Variants in ARB2A observed in about 807,000 individuals in gnomAD.
ARB2A encodes ARB2 cotranscriptional regulator A.
chr5:94,009,480 TA>T, the ARB2A span, among the ~76,000 whole-genome samples: 1 of 151,948 alleles, frequency 6.6e-6, no homozygotes, highest in African/African-American at 2.4e-5. Context: ...CCCTCTAAAA[TA>T]AAAATTAAGG....
the ARB2A span, among the ~76,000 whole-genome samples, chr5:93,844,446 G>GAA: frequency 8.2e-5 from 12 of 145,744 alleles, no homozygotes; most frequent in Non-Finnish European, 1.4e-4. Flanking sequence ...CATCTCAAAA[G>GAA]AAAAAAAAAA....
At chr5:94,043,834 G>C in the ARB2A span, among the ~76,000 whole-genome samples, 1 of 152,172 alleles carries the variant, frequency 6.6e-6, no homozygotes, top group Non-Finnish European at 1.5e-5. Flanking sequence ...TTCCATCAAA[G>C]CCAATTTTTA....
At chr5:93,806,889 A>G in the ARB2A span, among the ~76,000 whole-genome samples, 2 of 151,962 alleles carry the variant, frequency 1.3e-5, no homozygotes, top group Admixed American at 1.3e-4. Flanking sequence ...AAAACAGTAT[A>G]CACAAAAATG....
chr5:94,050,887 A>T, the ARB2A span: 1 of 1,186,964 alleles, frequency 8.4e-7, no homozygotes, highest in Non-Finnish European at 1.2e-6. Flanking sequence ...ACAATAATAT[A>T]AACAGTACAA....
the ARB2A span, among the ~76,000 whole-genome samples, chr5:93,878,831 A>G: frequency 6.6e-6 from 1 of 152,052 alleles, no homozygotes; most frequent in Non-Finnish European, 1.5e-5. Context: ...AATCTACAGA[A>G]CAATGTGGTA....
At chr5:93,880,477 GA>G in the ARB2A span, among the ~76,000 whole-genome samples, 7 of 151,720 alleles carry the variant, frequency 4.6e-5, no homozygotes, top group African/African-American at 1.7e-4. Context: ...AGTTCAAGTT[GA>G]ATAATTTGAA....
the ARB2A span, among the ~76,000 whole-genome samples, chr5:94,015,443 A>G: frequency 6.6e-6 from 1 of 152,176 alleles, no homozygotes; most frequent in Admixed American, 6.5e-5. Flanking sequence ...AATGTGCAAA[A>G]AGAAAACATT....
At chr5:93,661,254 G>A in the ARB2A span, among the ~76,000 whole-genome samples, 2 of 152,122 alleles carry the variant, frequency 1.3e-5, no homozygotes, top group African/African-American at 4.8e-5. Context: ...ATATACAGCG[G>A]GTAGTCTGGG....
the ARB2A span, among the ~76,000 whole-genome samples, chr5:93,966,393 C>A: frequency 6.6e-6 from 1 of 152,046 alleles, no homozygotes; most frequent in East Asian, 1.9e-4. Flanking sequence ...AAGTCAACAG[C>A]TCTTACTAGG....
chr5:94,100,549 T>A, the ARB2A span, among the ~76,000 whole-genome samples: 3 of 152,136 alleles, frequency 2.0e-5, no homozygotes, highest in Admixed American at 6.5e-5. Context: ...ACTACAAGGC[T>A]ACAGGGACCA....
chr5:93,766,983 G>A, the ARB2A span, among the ~76,000 whole-genome samples: 1 of 141,500 alleles, frequency 7.1e-6, no homozygotes, highest in Non-Finnish European at 1.5e-5. Flanking sequence ...GGTGGGCATT[G>A]AACAATGAGA....
chr5:94,068,779 A>G, the ARB2A span, among the ~76,000 whole-genome samples: 2 of 149,766 alleles, frequency 1.3e-5, no homozygotes, highest in Non-Finnish European at 3.0e-5. Context: ...AAATCCAGCT[A>G]GTCCTGTCTC....
the ARB2A span, among the ~76,000 whole-genome samples, chr5:93,693,585 A>G: frequency 6.7e-6 from 1 of 148,630 alleles, no homozygotes. Flanking sequence ...CAAAAAAAAA[A>G]GTCCAGGACC....
chr5:93,908,072 C>T, the ARB2A span, among the ~76,000 whole-genome samples: 1 of 150,922 alleles, frequency 6.6e-6, no homozygotes, highest in African/African-American at 2.4e-5. Context: ...TTACATGAAC[C>T]AAAATTTAAA....
At chr5:93,866,686 G>A in the ARB2A span, among the ~76,000 whole-genome samples, 2 of 152,170 alleles carry the variant, frequency 1.3e-5, no homozygotes, top group African/African-American at 4.8e-5. Flanking sequence ...AGGACCAACT[G>A]TAAGACTTCC....
the ARB2A span, chr5:94,055,678 A>T: frequency 1.0e-6 from 1 of 985,324 alleles, no homozygotes; most frequent in Non-Finnish European, 1.2e-6. Flanking sequence ...AAATCTTTTC[A>T]AAATAAAGAC....
the ARB2A span, among the ~76,000 whole-genome samples, chr5:94,049,746 G>A: frequency 1.7e-4 from 26 of 152,106 alleles, no homozygotes; most frequent in Non-Finnish European, 3.2e-4. Flanking sequence ...GCTTGAACCA[G>A]GCAGGTGCAA....
At chr5:93,984,643 A>T in the ARB2A span, among the ~76,000 whole-genome samples, 1 of 152,180 alleles carries the variant, frequency 6.6e-6, no homozygotes, top group Non-Finnish European at 1.5e-5. Context: ...TTTGCCAATG[A>T]ATTCTGTGCC....
chr5:93,812,356 T>C, the ARB2A span, among the ~76,000 whole-genome samples: 2 of 152,066 alleles, frequency 1.3e-5, no homozygotes. Context: ...GATCTCACAT[T>C]ATTTTATTTT....
Sources: gnomAD v4.1 joint callset for allele counts (sites outside exome capture counted in the v4.1 genomes callset) on GRCh38, gnomAD v4.1.1 for gene constraint, MANE v1.5 for transcripts, NCBI Gene and HGNC (gene_info 2026-07-23, HGNC 2026-07-21) for gene names.